Variants in NRG3 observed in about 807,000 individuals in gnomAD.
The protein encoded by NRG3 is pro-neuregulin-3, membrane-bound isoform.
NRG3 carries 31 observed loss-of-function variants against 66.9 expected under a neutral mutation model. The observed-to-expected ratio is 0.46, with a 90% CI of 0.35 to 0.63. The LOEUF (loss-of-function observed/expected upper bound fraction) is 0.63. Among genes scored for constraint, NRG3 ranks in the 20% least tolerant of loss-of-function variants. The pLI, the probability that NRG3 is intolerant of heterozygous loss-of-function variation, is 0.00. For missense variants in NRG3, 910 were observed against 878.9 expected (o/e 1.04, Z -0.45); for synonymous variants, 393 against 359.4 (o/e 1.09, Z -1.06).
intron 3 of NRG3, among the ~76,000 whole-genome samples, chr10:82,802,418 A>T (rs114910628): frequency 6.6e-6 from 1 of 152,192 alleles, no homozygotes; most frequent in Non-Finnish European, 1.5e-5. Flanking sequence ...AAACATGCTG[A>T]TCAAGGGGGT....
At chr10:82,845,816 A>G (rs926421241) in intron 3 of NRG3, among the ~76,000 whole-genome samples, 1 of 152,324 alleles carries the variant, frequency 6.6e-6, no homozygotes, top group Middle Eastern at 3.4e-3. Flanking sequence ...CACAAAAAGT[A>G]CTAAGAAGGA....
chr10:81,965,856 T>G (rs1025269676), intron 1 of NRG3, among the ~76,000 whole-genome samples: 1 of 152,190 alleles, frequency 6.6e-6, no homozygotes, highest in Non-Finnish European at 1.5e-5. Context: ...TTTCTTCTAA[T>G]CTTCCTAACT....
At chr10:82,803,180 A>G (rs2061123515) in intron 3 of NRG3, among the ~76,000 whole-genome samples, 1 of 152,174 alleles carries the variant, frequency 6.6e-6, no homozygotes, top group Non-Finnish European at 1.5e-5. Flanking sequence ...CCTCCCCTCC[A>G]GTAAAGGCAC....
chr10:82,235,991 C>T (rs904864940), intron 1 of NRG3, among the ~76,000 whole-genome samples: 1 of 151,962 alleles, frequency 6.6e-6, no homozygotes, highest in African/African-American at 2.4e-5. Context: ...GACACGCACA[C>T]ACACACAGAC....
At chr10:82,572,442 C>A (rs551291436) in intron 2 of NRG3, among the ~76,000 whole-genome samples, 1 of 151,630 alleles carries the variant, frequency 6.6e-6, no homozygotes, top group Non-Finnish European at 1.5e-5. Flanking sequence ...GAACAAACAC[C>A]CTTACTTGCA....
chr10:82,471,889 C>A (rs1464720436), intron 2 of NRG3, among the ~76,000 whole-genome samples: 13 of 87,550 alleles, frequency 1.5e-4, no homozygotes, highest in Admixed American at 1.2e-3. Flanking sequence ...GACTCCATCT[C>A]GAAAAAAAAA....
chr10:82,678,960 G>C (rs146162679), intron 2 of NRG3, among the ~76,000 whole-genome samples: 49 of 152,310 alleles, frequency 3.2e-4, no homozygotes, highest in Middle Eastern at 3.4e-3. Flanking sequence ...CTCAATATTT[G>C]AGGTGGACAA....
chr10:81,916,574 C>G (rs772607237), intron 1 of NRG3, among the ~76,000 whole-genome samples: 1 of 152,090 alleles, frequency 6.6e-6, no homozygotes, highest in Admixed American at 6.6e-5. Flanking sequence ...CTCCTAAAAG[C>G]AGGTGAAACT....
intron 3 of NRG3, among the ~76,000 whole-genome samples, chr10:82,834,648 C>T (rs967998845): frequency 1.3e-4 from 20 of 152,194 alleles, no homozygotes; most frequent in African/African-American, 4.6e-4. Context: ...TACCATCAAC[C>T]ACTCAAGGTG....
chr10:82,958,230 A>G (rs913795826), intron 5 of NRG3, among the ~76,000 whole-genome samples: 4 of 152,184 alleles, frequency 2.6e-5, no homozygotes, highest in Non-Finnish European at 4.4e-5. Context: ...AATCGCTGCC[A>G]CTCACTGACT....
chr10:82,578,896 A>G (rs2046192900), intron 2 of NRG3, among the ~76,000 whole-genome samples: 1 of 152,010 alleles, frequency 6.6e-6, no homozygotes, highest in East Asian at 1.9e-4. Flanking sequence ...AACTTATTCT[A>G]CTTAATTCAG....
chr10:82,696,267 A>T (rs1172262795), intron 2 of NRG3, among the ~76,000 whole-genome samples: 1 of 152,164 alleles, frequency 6.6e-6, no homozygotes, highest in Non-Finnish European at 1.5e-5. Flanking sequence ...TTTTCCCTAG[A>T]GACCATCACG....
chr10:82,183,273 A>C (rs1433180822), intron 1 of NRG3, among the ~76,000 whole-genome samples: 2 of 151,522 alleles, frequency 1.3e-5, no homozygotes, highest in Non-Finnish European at 2.9e-5. Flanking sequence ...CCCATAATTC[A>C]TGTAGTGGCC....
At chr10:82,160,296 G>A (rs992034224) in intron 1 of NRG3, among the ~76,000 whole-genome samples, 2 of 151,904 alleles carry the variant, frequency 1.3e-5, no homozygotes, top group African/African-American at 4.8e-5. Context: ...CTAATGGCTT[G>A]GCAGAAGAGG....
At chr10:82,219,299 CA>C (rs1031994821) in intron 1 of NRG3, among the ~76,000 whole-genome samples, 3 of 146,982 alleles carry the variant, frequency 2.0e-5, no homozygotes, top group Non-Finnish European at 4.5e-5. Context: ...TGTGACCCCT[CA>C]AAAAAATTTT....
chr10:82,703,370 A>C (rs977120949), intron 2 of NRG3, among the ~76,000 whole-genome samples: 1 of 152,150 alleles, frequency 6.6e-6, no homozygotes, highest in African/African-American at 2.4e-5. Context: ...ATTTATTTCC[A>C]AACTTACACT....
intron 6 of NRG3, among the ~76,000 whole-genome samples, chr10:82,962,661 A>G (rs908256010): frequency 6.6e-6 from 1 of 152,084 alleles, no homozygotes; most frequent in Non-Finnish European, 1.5e-5. Flanking sequence ...CAACATGGTG[A>G]AACCCCATCT....
intron 6 of NRG3, among the ~76,000 whole-genome samples, chr10:82,971,256 T>C (rs1851698959): frequency 6.6e-6 from 1 of 152,020 alleles, no homozygotes; most frequent in African/African-American, 2.4e-5. Context: ...AACACGAGAT[T>C]CAAAGGGGAC....
chr10:82,338,034 T>C (rs1375095812), intron 1 of NRG3, among the ~76,000 whole-genome samples: 1 of 152,202 alleles, frequency 6.6e-6, no homozygotes, highest in Non-Finnish European at 1.5e-5. Flanking sequence ...TGTGCATCGA[T>C]ATGAAGATGT....
Sources: allele counts gnomAD v4.1 joint callset (sites outside exome capture counted in the v4.1 genomes callset), GRCh38; gene constraint gnomAD v4.1.1; transcripts MANE v1.5; gene names NCBI Gene and HGNC (gene_info 2026-07-23, HGNC 2026-07-21).